The following PLIN5 variants were observed in gnomAD, a reference collection of about 807,000 sequenced individuals.
The protein encoded by PLIN5 is perilipin-5.
PLIN5 carries 34 observed loss-of-function variants against 32.8 expected under a neutral mutation model. The observed-to-expected ratio is 1.04, with a 90% confidence interval of 0.79 to 1.38. The LOEUF (loss-of-function observed/expected upper bound fraction) is 1.38, where lower values mean the gene tolerates loss of function less well. Among genes scored for constraint, PLIN5 ranks in the 40% most tolerant of loss-of-function variants. PLIN5 has a pLI of 0.00. For synonymous variants in PLIN5, 309 were observed against 292.9 expected, an observed-to-expected ratio of 1.05 and a Z score of -0.56; for missense variants, 712 against 660.5, an observed-to-expected ratio of 1.08 and a Z score of -0.85.
rs1426132738 is a variant in PLIN5, at chr19:4,522,717, C to T, written c.*811G>A. The T allele has an allele frequency of 6.6e-6, 1 of 152,104 alleles. No homozygotes were observed. The highest frequency in any genetic ancestry group is 1.5e-5 in the Non-Finnish European group (1 of 68,048). The allele number at this position is 152,104 out of a possible 1,614,324, so 9.4% of individuals were successfully genotyped here. ...AACATTTTTGAGATAGAGTCTTGCT[C>T]TGTCACCCAGGCGAGAGCGCAGGGG... On this transcript the variant is annotated 3_prime_UTR_variant, in exon 8 of 8. Coordinates refer to ENST00000381848, the MANE Select transcript of PLIN5 (RefSeq NM_001013706.3).
chr19:4,528,742 G>C (rs1322935955), intron 5 of PLIN5: 3 of 213,664 alleles, frequency 1.4e-5, no homozygotes, highest in Non-Finnish European at 2.8e-5. Context: ...CCAAGAATCG[G>C]GACATGTAAT....
intron 2 of PLIN5, among the ~76,000 whole-genome samples, chr19:4,532,122 C>T (rs1976893921): frequency 6.6e-6 from 1 of 152,102 alleles, no homozygotes; most frequent in Non-Finnish European, 1.5e-5. Flanking sequence ...ACGGCAACCT[C>T]CTCCTGGATT....
At chr19:4,526,808 C>T (rs1479427432) in intron 5 of PLIN5, among the ~76,000 whole-genome samples, 1 of 149,280 alleles carries the variant, frequency 6.7e-6, no homozygotes, top group African/African-American at 2.6e-5. Context: ...TGGTTAGCTA[C>T]GATCACACCA....
Position 4,529,273 on chromosome 19 carries a change from C to G in PLIN5, c.340-20G>C, listed in dbSNP as rs112854070. 4 of 1,575,548 alleles carry G rather than the reference C, an allele frequency of 2.5e-6. No homozygotes were observed. Among genetic ancestry groups the G allele is most frequent in the Non-Finnish European group, 3.5e-6 (4 of 1,158,178 alleles). On this transcript the variant is annotated intron_variant, in intron 4 of 7. Coordinates refer to ENST00000381848, the MANE Select transcript of PLIN5 (RefSeq NM_001013706.3). ...CACCACCTGGAAGGAAGGGCCCCCC[C>G]ACTCCAGGCACCGTGGGACTCCAGC...
chr19:4,529,266 GC>G lies in PLIN5; in HGVS notation c.340-14del, dbSNP rs763179117. The G allele has an allele frequency of 4.4e-6, 7 of 1,586,806 alleles. No individual in the cohort carries two copies. The highest frequency in any genetic ancestry group is 3.5e-5 in the Admixed American group (2 of 57,380). The stretch of plus-strand genomic sequence containing the variant: ...CTGAGGTCACCACCTGGAAGGAAGG[GC>G]CCCCCCACTCCAGGCACCGTGGGAC... On this transcript the variant is annotated splice_polypyrimidine_tract_variant and intron_variant, in intron 4 of 7. Transcript: ENST00000381848.
At position 4,523,439 on chromosome 19, in the gene PLIN5, A is replaced by G; in HGVS notation, c.*89T>C. On this transcript the variant is annotated 3_prime_UTR_variant, in exon 8 of 8. Transcript: ENST00000381848. The surrounding 1 kb of genome is among the most constrained non-coding windows in gnomAD (Gnocchi z 5.0). The stretch of plus-strand genomic sequence containing the variant: ...TGATTCCAAAGAAGGGTCAAGGCCA[A>G]GGCCTCGAGCTTACGTGTGGCCACC... The G allele has an allele frequency of 7.1e-7, 1 of 1,405,582 alleles. No individual in the cohort carries two copies. The highest frequency in any genetic ancestry group is 2.5e-5 in the East Asian group (1 of 39,956). 87.1% of individuals were successfully genotyped at this position (1,405,582 alleles called of 1,614,324 possible). A position where few individuals can be genotyped will look rare whatever the true frequency, so the allele number is the denominator to read the frequency against.
chr19:4,526,503 G>A (rs1335663856), intron 5 of PLIN5, among the ~76,000 whole-genome samples: 2 of 152,176 alleles, frequency 1.3e-5, no homozygotes, highest in African/African-American at 4.8e-5. Context: ...TTACAGGTGT[G>A]AGCCATCATG....
In PLIN5 at chr19:4,525,831, C is replaced by T. The variant is rs777227154; in HGVS notation, c.522G>A (p.Ala174=). ...GGCCTTCAGCCTCAGCCGCCAGTGC[C>T]GCTGGAGGACAGGATACGGGGACAG... ...HFLPMTEEEL[A]ALAAEAEGPE... Residue 174 remains alanine, a splice_region_variant and synonymous_variant, in exon 6 of 8, where the codon GCG becomes GCA. Transcript: ENST00000381848. The surrounding 1 kb of genome is among the most constrained non-coding windows in gnomAD (Gnocchi z 5.6). 2.5e-5 allele frequency: 40 copies of T among 1,609,638 alleles called. 1 individual carries two copies. The Middle Eastern group carries it at 3.3e-3, about 133-fold the overall frequency.
Position 4,525,003 on chromosome 19 carries a change from T to C in PLIN5, c.794A>G (p.Glu265Gly). ...CPGKVHELWG[E>G]WGQRPPESRR... ...GCTCTCCGGAGGGCGCTGGCCCCATTCCCCCCACAGCTCGTGCACCTTCCC... is the reference window on the plus strand; with the variant it reads ...GCTCTCCGGAGGGCGCTGGCCCCATCCCCCCCACAGCTCGTGCACCTTCCC... The change falls in exon 7 of 8, where the codon GAA becomes GGA. Residue 265 changes from glutamate (E) to glycine (G), a missense_variant. Coordinates refer to ENST00000381848, the MANE Select transcript of PLIN5 (RefSeq NM_001013706.3). The surrounding 1 kb of genome is among the most constrained non-coding windows in gnomAD (Gnocchi z 5.6). The C allele has an allele frequency of 1.3e-6, 2 of 1,515,210 alleles. No homozygotes were observed. Among genetic ancestry groups the C allele is most frequent in the Non-Finnish European group, 1.8e-6 (2 of 1,131,896 alleles). The allele number at this position is 1,515,210 out of a possible 1,614,324, so 93.9% of individuals were successfully genotyped here.
At chr19:4,529,012 T>A in intron 5 of PLIN5, 61 bp downstream of exon 5, 1 of 1,553,336 alleles carries the variant, frequency 6.4e-7, no homozygotes. Context: ...CTCTGATCTG[T>A]ACCACAGGGG....
chr19:4,526,974 C>T (rs570077567), intron 5 of PLIN5, among the ~76,000 whole-genome samples: 22 of 152,210 alleles, frequency 1.4e-4, no homozygotes, highest in African/African-American at 4.6e-4. Context: ...CAGCGGCTCA[C>T]GCCTGTAATC....
At chr19:4,527,101 A>G (rs1265932344) in intron 5 of PLIN5, among the ~76,000 whole-genome samples, 1 of 150,912 alleles carries the variant, frequency 6.6e-6, no homozygotes, top group African/African-American at 2.4e-5. Context: ...TTTGAGATGG[A>G]GTCTCGCTCT....
rs1004385692 is a variant in PLIN5 at position 4,525,318 on chromosome 19, G to C, written c.721-242C>G. On this transcript the variant is annotated intron_variant, in intron 6 of 7. Coordinates refer to ENST00000381848, the MANE Select transcript of PLIN5 (RefSeq NM_001013706.3). This position sits in a 1 kb window ranked among gnomAD's most constrained non-coding sequence, Gnocchi z 5.6. ...ACAGGTGCCCTCTGGTGGCTGCTGC[G>C]GGGAGGGAAGAGCTGAGGATGGGAG... 6.6e-6 allele frequency among the ~76,000 whole-genome samples: 1 copy of C among 152,124 alleles called. No homozygotes were observed. The highest frequency in any genetic ancestry group is 1.5e-5 in the Non-Finnish European group (1 of 68,026).
At position 4,522,559 on chromosome 19, in the gene PLIN5, G is replaced by A. The variant is rs867273116; in HGVS notation, c.*969C>T. The A allele has an allele frequency of 2.0e-5, 3 of 152,222 alleles. No homozygotes were observed. Among genetic ancestry groups the A allele is most frequent in the African/African-American group, 4.8e-5 (2 of 41,440 alleles). The allele number at this position is 152,222 out of a possible 1,614,324, so 9.4% of individuals were successfully genotyped here. Reference sequence around the variant, plus strand: ...CAACAACAAAAAGGACCTTTATTCTGGAGGCAAATCCCAAACAGCAAAGCA... The same window carrying A: ...CAACAACAAAAAGGACCTTTATTCTAGAGGCAAATCCCAAACAGCAAAGCA... On this transcript the variant is annotated 3_prime_UTR_variant, in exon 8 of 8. Transcript: ENST00000381848.
rs1976779626 is a variant in PLIN5 at position 4,524,889 on chromosome 19, C to A, written c.834+74G>T. 2.2e-5 allele frequency: 29 copies of A among 1,312,584 alleles called. No individual in the cohort carries two copies. In the South Asian group the frequency reaches 3.9e-4, roughly 18 times the overall value. 81.3% of individuals were successfully genotyped at this position (1,312,584 alleles called of 1,614,324 possible). A position where few individuals can be genotyped will look rare whatever the true frequency, so the allele number is the denominator to read the frequency against. The stretch of plus-strand genomic sequence containing the variant: ...TCCCCGGCAGTACTGGGCTGACCCG[C>A]AGTCCGTCGCTCCCCCTCTTCCTCC... On this transcript the variant is annotated intron_variant, in intron 7 of 7. Transcript: ENST00000381848.
Position 4,524,044 on chromosome 19 carries a change from C to T in PLIN5, c.876G>A (p.Gln292=). The change falls in exon 8 of 8, where the codon CAG becomes CAA. Residue 292 remains glutamine, a synonymous_variant. Transcript: ENST00000381848. ...GAGCCTCTACCGTGCCCTGCAGCTCCTGGGTCAGGCTGCGGGACAGCACCA... is the reference window on the plus strand; with the variant it reads ...GAGCCTCTACCGTGCCCTGCAGCTCTTGGGTCAGGCTGCGGGACAGCACCA... ...ETLVLSRSLT[Q]ELQGTVEALE... is the part of the protein sequence containing the mutation. The T allele has an allele frequency of 6.8e-7, 1 of 1,475,346 alleles. No individual in the cohort carries two copies. Among genetic ancestry groups the T allele is most frequent in the Non-Finnish European group, 8.9e-7 (1 of 1,122,354 alleles). 91.4% of individuals were successfully genotyped at this position (1,475,346 alleles called of 1,614,324 possible).
At position 4,523,702 on chromosome 19, in the gene PLIN5, G is replaced by T. The variant is rs375096055; in HGVS notation, c.1218C>A (p.Arg406=). The T allele has an allele frequency of 2.8e-5, 45 of 1,604,638 alleles. 1 individual carries two copies. In the African/African-American group the frequency reaches 4.5e-4, roughly 16 times the overall value. ...GGGCCGGCCAGTCCAGGTGCGCCCA[G>T]CGGGGGTCAGGGCCCCCGATGACCT... The part of the protein sequence containing the change: ...VDEVIGGPDP[R]WAHLDWPAQQ... The change falls in exon 8 of 8, where the codon CGC becomes CGA. Residue 406 remains arginine (R), a synonymous_variant. Transcript: ENST00000381848. This position sits in a 1 kb window ranked among gnomAD's most constrained non-coding sequence, Gnocchi z 5.0.
chr19:4,532,822 C>G (rs927267259), intron 2 of PLIN5: 13 of 152,272 alleles, frequency 8.5e-5, no homozygotes, highest in African/African-American at 3.1e-4. Context: ...GTGCACACCA[C>G]TGTGCCCAGC....
chr19:4,531,606 G>A (rs1056600823), intron 3 of PLIN5, 21 bp downstream of exon 3: 1 of 1,485,150 alleles, frequency 6.7e-7, no homozygotes, highest in Non-Finnish European at 9.0e-7. Context: ...AGCTCCCAGG[G>A]ACACGGGCCA....
Sources: allele counts gnomAD v4.1 joint callset (sites outside exome capture counted in the v4.1 genomes callset), GRCh38; gene constraint gnomAD v4.1.1; non-coding constraint Gnocchi (gnomAD v3.1); transcripts MANE v1.5; gene names NCBI Gene and HGNC (gene_info 2026-07-23, HGNC 2026-07-21).